Variants in CPEB3 observed in about 807,000 individuals in gnomAD.
CPEB3 encodes cytoplasmic polyadenylation element-binding protein 3.
A neutral mutation model predicts 67.2 loss-of-function variants in CPEB3; 20 were observed. The ratio of observed to expected loss-of-function variants is 0.30; its 90% confidence interval spans 0.21 to 0.43. The LOEUF is 0.43. CPEB3 is among the 20% of genes least tolerant of loss of function. CPEB3 has a pLI of 1.00. For synonymous variants in CPEB3, 376 were observed against 393.1 expected (o/e 0.96, Z 0.51); for missense variants, 746 against 968.6 (o/e 0.77, Z 3.05).
intron 2 of CPEB3, among the ~76,000 whole-genome samples, chr10:92,213,038 T>C (rs1174026661): frequency 1.3e-5 from 2 of 152,240 alleles, no homozygotes; most frequent in Admixed American, 1.3e-4. Context: ...ACAGAGTTCA[T>C]GGTAACTCTG....
At chr10:92,057,089 G>A (rs894164528) in intron 9 of CPEB3, among the ~76,000 whole-genome samples, 1 of 152,184 alleles carries the variant, frequency 6.6e-6, no homozygotes, top group African/African-American at 2.4e-5. Flanking sequence ...AGGACCTTGG[G>A]TGAGCCTCTG....
At chr10:92,150,345 G>A (rs1274499576) in intron 4 of CPEB3, among the ~76,000 whole-genome samples, 2 of 151,542 alleles carry the variant, frequency 1.3e-5, no homozygotes, top group African/African-American at 4.9e-5. Context: ...TCCTGCCTCA[G>A]CCTCCCAAAG....
chr10:92,091,819 T>C lies in CPEB3; in HGVS notation c.1687+11A>G, dbSNP rs760097953. On this transcript the variant is annotated intron_variant, in intron 8 of 9. Coordinates refer to ENST00000265997, the MANE Select transcript of CPEB3 (RefSeq NM_014912.5). The stretch of plus-strand genomic sequence containing the variant: ...TGGTTTTGTTGTTGTGGTATTACTA[T>C]TTCCACTCACCAGCTCGAAGGGGTC... 8 of 1,527,398 alleles carry C rather than the reference T, an allele frequency of 5.2e-6. No homozygotes were observed. Among genetic ancestry groups the C allele is most frequent in the Non-Finnish European group, 7.2e-6 (8 of 1,110,050 alleles). 94.6% of individuals were successfully genotyped at this position (1,527,398 alleles called of 1,614,324 possible). A position where few individuals can be genotyped will look rare whatever the true frequency, so the allele number is the denominator to read the frequency against.
intron 3 of CPEB3, among the ~76,000 whole-genome samples, chr10:92,186,076 A>G (rs956399745): frequency 8.6e-5 from 13 of 151,914 alleles, no homozygotes; most frequent in African/African-American, 3.1e-4. Context: ...GAACAATTAA[A>G]TCACAATTCC....
At chr10:92,117,513 G>A (rs1286235641) in intron 6 of CPEB3, among the ~76,000 whole-genome samples, 2 of 150,026 alleles carry the variant, frequency 1.3e-5, no homozygotes, top group African/African-American at 2.5e-5. Flanking sequence ...TGTATTTTTA[G>A]TAGAGACGGG....
chr10:92,215,596 T>C (rs1328546360), intron 2 of CPEB3, among the ~76,000 whole-genome samples: 1 of 149,708 alleles, frequency 6.7e-6, no homozygotes, highest in East Asian at 2.0e-4. Flanking sequence ...CGCCCACCAC[T>C]ACGCCCAGCT....
intron 7 of CPEB3, among the ~76,000 whole-genome samples, chr10:92,097,928 G>A (rs1457336763): frequency 3.9e-5 from 6 of 151,942 alleles, no homozygotes; most frequent in East Asian, 1.9e-4. Context: ...TTGGGAGGCC[G>A]AGGTGGGTGG....
chr10:92,159,079 T>C (rs981231764), intron 4 of CPEB3, among the ~76,000 whole-genome samples: 1 of 151,680 alleles, frequency 6.6e-6, no homozygotes, highest in African/African-American at 2.4e-5. Context: ...CTGGCCAACA[T>C]GGTGAAACCT....
intron 2 of CPEB3, among the ~76,000 whole-genome samples, chr10:92,211,015 A>T (rs1337273020): frequency 2.6e-5 from 4 of 152,224 alleles, no homozygotes; most frequent in Non-Finnish European, 5.9e-5. Context: ...ACATCACTGC[A>T]CTCCAGCCTG....
At chr10:92,128,744 A>C (rs1845710111) in intron 6 of CPEB3, among the ~76,000 whole-genome samples, 1 of 152,228 alleles carries the variant, frequency 6.6e-6, no homozygotes, top group Admixed American at 6.5e-5. Context: ...CATGAAAAAA[A>C]GCTCAATATC....
At chr10:92,212,774 G>T (rs531103027) in intron 2 of CPEB3, among the ~76,000 whole-genome samples, 3 of 151,492 alleles carry the variant, frequency 2.0e-5, no homozygotes, top group Non-Finnish European at 4.4e-5. Flanking sequence ...AAATATATTA[G>T]TAAAATTAAT....
chr10:92,073,441 G>A (rs1842827980), intron 9 of CPEB3, among the ~76,000 whole-genome samples: 2 of 152,098 alleles, frequency 1.3e-5, no homozygotes, highest in African/African-American at 4.8e-5. Context: ...ATCACCTAGG[G>A]TTAGGAGTTT....
At chr10:92,083,990 TGGC>T in intron 8 of CPEB3, among the ~76,000 whole-genome samples, 1 of 152,182 alleles carries the variant, frequency 6.6e-6, no homozygotes, top group African/African-American at 2.4e-5. Flanking sequence ...GAGACCATCC[TGGC>T]TAACACGGTG....
intron 1 of CPEB3, among the ~76,000 whole-genome samples, chr10:92,244,643 T>C (rs1851985828): frequency 6.6e-6 from 1 of 151,974 alleles, no homozygotes; most frequent in Non-Finnish European, 1.5e-5. Context: ...TTCACTGTGT[T>C]AGCCAGGATG....
chr10:92,085,766 C>T (rs1843344229), intron 8 of CPEB3, among the ~76,000 whole-genome samples: 1 of 152,094 alleles, frequency 6.6e-6, no homozygotes, highest in Admixed American at 6.6e-5. Context: ...GCAGTCACCA[C>T]GCCCAACTCA....
At chr10:92,062,785 A>G (rs187883301) in intron 9 of CPEB3, among the ~76,000 whole-genome samples, 1 of 152,258 alleles carries the variant, frequency 6.6e-6, no homozygotes, top group Non-Finnish European at 1.5e-5. Context: ...TACTTTGGAC[A>G]TACCAGTCTG....
intron 1 of CPEB3, among the ~76,000 whole-genome samples, chr10:92,274,599 G>A (rs1049963757): frequency 2.6e-5 from 4 of 152,222 alleles, no homozygotes; most frequent in Non-Finnish European, 5.9e-5. Context: ...CCAGGACTTC[G>A]GGAGGCCCAG....
chr10:92,210,386 G>C (rs1850019548), intron 2 of CPEB3, among the ~76,000 whole-genome samples: 1 of 152,164 alleles, frequency 6.6e-6, no homozygotes, highest in African/African-American at 2.4e-5. Flanking sequence ...GTAAAATCAG[G>C]CATGATTTAC....
At chr10:92,052,957 C>T (rs571110461) in intron 9 of CPEB3, among the ~76,000 whole-genome samples, 12 of 152,206 alleles carry the variant, frequency 7.9e-5, no homozygotes, top group South Asian at 2.1e-4. Flanking sequence ...AAGCCAGGCC[C>T]GAGGGCAAGA....
Sources: gnomAD v4.1 joint callset for allele counts (sites outside exome capture counted in the v4.1 genomes callset) on GRCh38, gnomAD v4.1.1 for gene constraint, MANE v1.5 for transcripts, NCBI Gene and HGNC (gene_info 2026-07-23, HGNC 2026-07-21) for gene names.